TMC3: variants seen among roughly 807,000 people sequenced by gnomAD.
The protein encoded by TMC3 is transmembrane channel like 3.
In TMC3, 98 loss-of-function variants were observed where a neutral mutation model predicts 110.6. The ratio of observed to expected loss-of-function variants is 0.89; its 90% CI spans 0.75 to 1.05. The LOEUF (loss-of-function observed/expected upper bound fraction) is 1.05. Among genes scored for constraint, TMC3 ranks in the 50% least tolerant of loss-of-function variants. The probability of loss-of-function intolerance (pLI) is 0.00; values close to 1 mark genes in which losing one functional copy is unlikely to be tolerated. For synonymous variants in TMC3, 489 were observed against 513.1 expected, an observed-to-expected ratio of 0.95 and a Z score of 0.63; for missense variants, 1,319 against 1,373.2, an observed-to-expected ratio of 0.96 and a Z score of 0.62.
chr15:81,342,571 A>AT (rs1299355971), intron 15 of TMC3, among the ~76,000 whole-genome samples: 3 of 152,194 alleles, frequency 2.0e-5, no homozygotes, highest in Non-Finnish European at 4.4e-5. Context: ...GGCTCTAAGA[A>AT]TTTGACAGGA....
At chr15:81,355,876 T>A in intron 8 of TMC3, 108 bp from the exon 9 acceptor site, 1 of 681,256 alleles carries the variant, frequency 1.5e-6, no homozygotes, top group Non-Finnish European at 2.5e-6. Flanking sequence ...TGTCTAAGAC[T>A]TTATTCTGTA....
intron 9 of TMC3, among the ~76,000 whole-genome samples, chr15:81,353,574 T>C (rs1188140173): frequency 5.3e-5 from 8 of 152,232 alleles, no homozygotes; most frequent in Non-Finnish European, 1.0e-4. Flanking sequence ...CAAATACCAT[T>C]GTGTTACAAT....
chr15:81,332,830 T>C lies in TMC3; in HGVS notation c.2892A>G (p.Ile964Met). 1 of 1,613,168 alleles carries C rather than the reference T, an allele frequency of 6.2e-7. No individual in the cohort carries two copies. The highest frequency in any genetic ancestry group is 1.1e-5 in the South Asian group (1 of 91,018). Residue 964 changes from isoleucine to methionine, a missense_variant, in exon 22 of 22, where the codon ATA becomes ATG. By Grantham distance (10) the Ile-to-Met change is conservative. Transcript: ENST00000359440. ...IKRSLPPRSL[I>M]DLRRAPHFYI... ...AAAAATGAGGAGCCCGACGGAGGTC[T>C]ATCAGGGAGCGTGGGGGAAGAGACC... is the stretch of plus-strand genomic sequence containing the variant.
Position 81,354,005 on chromosome 15 carries a change from A to G in TMC3, c.935+1720T>C, listed in dbSNP as rs188955551. On this transcript the variant is annotated intron_variant, in intron 9 of 21. Coordinates refer to ENST00000359440, the MANE Select transcript of TMC3 (RefSeq NM_001080532.3). Reference sequence around the variant, plus strand: ...CTTTCCTAATTTGGTCTCACTTCTCATATGCCTCTGATAGTGAGGGCAGGT... The same window carrying G: ...CTTTCCTAATTTGGTCTCACTTCTCGTATGCCTCTGATAGTGAGGGCAGGT... Among the ~76,000 whole-genome samples the G allele has an allele frequency of 6.4e-4, 98 of 152,366 alleles. 1 individual carries two copies. The Middle Eastern group carries it at 0.01, about 16-fold the overall frequency.
At chr15:81,358,325 C>G (rs746576753) in intron 6 of TMC3, 34 bp from the exon 7 acceptor site, 4 of 1,597,666 alleles carry the variant, frequency 2.5e-6, no homozygotes, top group Non-Finnish European at 3.4e-6. Flanking sequence ...ATTTCTGCTT[C>G]CCGTTCCCAG....
intron 2 of TMC3, among the ~76,000 whole-genome samples, chr15:81,371,278 A>G (rs1278265018): frequency 1.3e-5 from 2 of 152,234 alleles, no homozygotes; most frequent in Non-Finnish European, 2.9e-5. Flanking sequence ...GATCAAAACT[A>G]TGGATGACTT....
intron 3 of TMC3, among the ~76,000 whole-genome samples, chr15:81,362,936 G>A (rs111425650): frequency 3.9e-5 from 6 of 152,284 alleles, no homozygotes; most frequent in African/African-American, 1.4e-4. Context: ...CCTGGATAGA[G>A]CTGTCAGGGA....
chr15:81,353,940 C>G (rs1240327835), intron 9 of TMC3, among the ~76,000 whole-genome samples: 1 of 152,200 alleles, frequency 6.6e-6, no homozygotes, highest in African/African-American at 2.4e-5. Context: ...AATAAAGGAG[C>G]AACTAATTGC....
At chr15:81,345,784 G>A (rs953063141) in intron 12 of TMC3, among the ~76,000 whole-genome samples, 2 of 152,142 alleles carry the variant, frequency 1.3e-5, no homozygotes, top group East Asian at 1.9e-4. Context: ...GCTGAGATGG[G>A]AGTATCACTT....
At chr15:81,338,035 C>G (rs1419669945) in intron 18 of TMC3, 111 bp from the exon 19 acceptor site, 2 of 832,040 alleles carry the variant, frequency 2.4e-6, no homozygotes, top group Non-Finnish European at 4.1e-6. Context: ...AGGCCAGATG[C>G]GGGCTATCCA....
chr15:81,337,962 A>G lies in TMC3; in HGVS notation c.2082-38T>C, dbSNP rs577640006. The G allele has an allele frequency of 1.3e-5, 20 of 1,541,854 alleles. No homozygotes were observed. In the African/African-American group the frequency reaches 1.6e-4, roughly 13 times the overall value. Reference sequence around the variant, plus strand: ...AACACAGGACAATGAGTGGACTGCAACTCGCTTTTCTGCTTTTCAGACCAC... The same window carrying G: ...AACACAGGACAATGAGTGGACTGCAGCTCGCTTTTCTGCTTTTCAGACCAC... On this transcript the variant is annotated intron_variant, in intron 18 of 21. Coordinates refer to ENST00000359440, the MANE Select transcript of TMC3 (RefSeq NM_001080532.3).
intron 10 of TMC3, among the ~76,000 whole-genome samples, chr15:81,351,341 T>C (rs1893943311): frequency 6.9e-6 from 1 of 145,176 alleles, no homozygotes; most frequent in African/African-American, 2.6e-5. Flanking sequence ...TGTGTCTCTC[T>C]CTCTCTCTTT....
At chr15:81,351,505 C>A (rs563386264) in intron 10 of TMC3, among the ~76,000 whole-genome samples, 189 bp downstream of exon 10, 1 of 152,092 alleles carries the variant, frequency 6.6e-6, no homozygotes, top group Non-Finnish European at 1.5e-5. Flanking sequence ...GTGTGCACCA[C>A]GACGCCCAGC....
At chr15:81,338,013 T>A in intron 18 of TMC3, 89 bp from the exon 19 acceptor site, 1 of 1,059,504 alleles carries the variant, frequency 9.4e-7, no homozygotes, top group Non-Finnish European at 1.5e-6. Flanking sequence ...TTGGCAGGAA[T>A]GAGAGGCTCC....
chr15:81,336,383 G>A (rs1321467912), intron 20 of TMC3, among the ~76,000 whole-genome samples: 2 of 152,102 alleles, frequency 1.3e-5, no homozygotes, highest in Admixed American at 6.5e-5. Context: ...TCAGGAGTTT[G>A]AGACCAGGCT....
intron 19 of TMC3, chr15:81,337,520 A>G: frequency 2.3e-6 from 1 of 430,838 alleles, no homozygotes; most frequent in Non-Finnish European, 4.3e-6. Context: ...CTCCCCTGCC[A>G]ATCTACCAGA....
intron 15 of TMC3, chr15:81,342,982 T>A: frequency 3.4e-6 from 1 of 295,080 alleles, no homozygotes; most frequent in Non-Finnish European, 6.3e-6. Flanking sequence ...CAGCCTCTCC[T>A]TCCAGCCTTC....
intron 10 of TMC3, among the ~76,000 whole-genome samples, chr15:81,350,217 A>C (rs1893917990): frequency 6.6e-6 from 1 of 152,244 alleles, no homozygotes; most frequent in African/African-American, 2.4e-5. Flanking sequence ...CCTGGGCAAC[A>C]GAGTGAAACC....
intron 2 of TMC3, 61 bp downstream of exon 2, chr15:81,372,530 G>A: frequency 1.2e-6 from 2 of 1,602,364 alleles, no homozygotes; most frequent in Non-Finnish European, 1.7e-6. Context: ...CATGGGCAAG[G>A]CAAGGTGGTT....
Sources: gnomAD v4.1 joint callset for allele counts (sites outside exome capture counted in the v4.1 genomes callset) on GRCh38, gnomAD v4.1.1 for gene constraint, MANE v1.5 for transcripts, NCBI Gene and HGNC (gene_info 2026-07-23, HGNC 2026-07-21) for gene names.